Variants in CYP11A1 observed in about 807,000 individuals in gnomAD.
The protein encoded by CYP11A1 is cytochrome P450 family 11 subfamily A member 1.
In CYP11A1, 25 loss-of-function variants were observed where a neutral mutation model predicts 51.9. That is an observed-to-expected ratio of 0.48 (90% confidence interval 0.35 to 0.67). The LOEUF (loss-of-function observed/expected upper bound fraction) is 0.67. CYP11A1 is among the 30% of genes least tolerant of loss of function. The pLI is 0.00. For synonymous variants in CYP11A1, 245 were observed against 262.1 expected (o/e 0.93, Z 0.63); for missense variants, 578 against 680.9 (o/e 0.85, Z 1.68).
chr15:74,343,238 C>A lies in CYP11A1; in HGVS notation c.830-101G>T, dbSNP rs1017207725. On this transcript the variant is annotated intron_variant, in intron 4 of 8. Transcript: ENST00000268053. ...GGTGGCACCAAGGGCCTGGGGATTCCGGAGCCCTGTGCTTCTTAGGCTGCC... is the reference window on the plus strand; with the variant it reads ...GGTGGCACCAAGGGCCTGGGGATTCAGGAGCCCTGTGCTTCTTAGGCTGCC... The A allele has an allele frequency of 4.0e-6, 5 of 1,236,018 alleles. No individual in the cohort carries two copies. The African/African-American group carries it at 7.4e-5, about 18-fold the overall frequency. 76.6% of individuals were successfully genotyped at this position (1,236,018 alleles called of 1,614,324 possible).
chr15:74,365,827 G>A, intron 1 of CYP11A1: 3 of 985,622 alleles, frequency 3.0e-6, no homozygotes, highest in Non-Finnish European at 3.6e-6. Context: ...CCGCAGGCCG[G>A]GCAGAGAAAC....
At chr15:74,343,176 T>G in intron 4 of CYP11A1, 39 bp from the exon 5 acceptor site, 1 of 1,610,048 alleles carries the variant, frequency 6.2e-7, no homozygotes, top group Non-Finnish European at 8.5e-7. Context: ...TGAGGTTCCC[T>G]GCAGGCGGGT....
intron 1 of CYP11A1, among the ~76,000 whole-genome samples, chr15:74,352,264 C>CTTTTTTTTTTT (rs34304260): frequency 4.6e-5 from 4 of 86,052 alleles, no homozygotes; most frequent in East Asian, 3.3e-4. Context: ...TCTTTGCTAT[C>CTTTTTTTTTTT]TTTTTTTTTT....
chr15:74,358,510 C>A (rs1056646178), intron 1 of CYP11A1, among the ~76,000 whole-genome samples: 3 of 152,212 alleles, frequency 2.0e-5, no homozygotes, highest in African/African-American at 7.2e-5. Flanking sequence ...GAAATCACTT[C>A]TCAGGGTTCC....
chr15:74,355,863 C>T (rs1478156306), intron 1 of CYP11A1, among the ~76,000 whole-genome samples: 1 of 152,224 alleles, frequency 6.6e-6, no homozygotes, highest in Non-Finnish European at 1.5e-5. Context: ...CATTTGGCAG[C>T]AACCCTGAGA....
At chr15:74,362,494 C>CGGCG in intron 1 of CYP11A1, 76 of 154,050 alleles carry the variant, frequency 4.9e-4, no homozygotes, top group Admixed American at 1.4e-3. Flanking sequence ...CTGCTGGAAA[C>CGGCG]ATCAGAGAAA....
At position 74,339,762 on chromosome 15, in the gene CYP11A1, G is replaced by A. The variant is rs376854387; in HGVS notation, c.991-9C>T. ...TGCAGGGTCATGGACGTCTGGTGGG[G>A]AGTAGGGTATACAGAAGACCAGGAG... On this transcript the variant is annotated splice_polypyrimidine_tract_variant and intron_variant, in intron 5 of 8. Transcript: ENST00000268053. 2 of 1,613,950 alleles carry A rather than the reference G, an allele frequency of 1.2e-6. No homozygotes were observed. The highest frequency in any genetic ancestry group is 2.7e-5 in the African/African-American group (2 of 74,934).
rs1289035846 is a variant in CYP11A1 at position 74,345,136 on chromosome 15, A to G, written c.533T>C (p.Phe178Ser). 1 of 1,614,092 alleles carries G rather than the reference A, an allele frequency of 6.2e-7. No homozygotes were observed. The highest frequency in any genetic ancestry group is 8.5e-7 in the Non-Finnish European group (1 of 1,179,998). ...LPLLDAVSRD[F>S]VSVLHRRIKK... ...GATGCGCCTGTGCAGGACACTGACG[A>G]AGTCCCGAGACACTGCATCCAACAG... The change falls in exon 3 of 9, where the codon TTC becomes TCC. Residue 178 changes from phenylalanine to serine, a missense_variant. Physicochemically the swap from Phe to Ser is radical, Grantham distance 155 (BLOSUM62 -2). Coordinates refer to ENST00000268053, the MANE Select transcript of CYP11A1 (RefSeq NM_000781.3). The surrounding 1 kb of genome is among the most constrained non-coding windows in gnomAD (Gnocchi z 4.3).
At chr15:74,338,498 G>C in intron 8 of CYP11A1, 73 bp downstream of exon 8, 2 of 1,453,566 alleles carry the variant, frequency 1.4e-6, no homozygotes, top group Non-Finnish European at 1.9e-6. Context: ...ACAGAGATAG[G>C]AGGAGGAAGA....
chr15:74,350,086 TAG>T (rs938674703), intron 1 of CYP11A1: 2 of 372,922 alleles, frequency 5.4e-6, no homozygotes, highest in Non-Finnish European at 1.1e-5. Context: ...AATTTTATAT[TAG>T]AGAGAGAAAA....
intron 3 of CYP11A1, 47 bp from the exon 4 acceptor site, chr15:74,344,039 C>A: frequency 6.5e-7 from 1 of 1,546,662 alleles, no homozygotes; most frequent in Non-Finnish European, 8.9e-7. Context: ...ACGGGGCCAT[C>A]TGAGAGCCAC....
At chr15:74,367,194 A>AAAG (rs2060737652) in intron 1 of CYP11A1, 123 bp downstream of exon 1, 6 of 979,222 alleles carry the variant, frequency 6.1e-6, no homozygotes, top group East Asian at 2.6e-5. Flanking sequence ...AAAAAAAAAA[A>AAAG]AAGAAGTTAG....
At chr15:74,356,879 A>T (rs1057488212) in intron 1 of CYP11A1, among the ~76,000 whole-genome samples, 1 of 152,060 alleles carries the variant, frequency 6.6e-6, no homozygotes, top group African/African-American at 2.4e-5. Context: ...TTACCATCCC[A>T]TTAAAACCTA....
chr15:74,351,135 C>G (rs1378246217), intron 1 of CYP11A1, among the ~76,000 whole-genome samples: 1 of 152,130 alleles, frequency 6.6e-6, no homozygotes, highest in South Asian at 2.1e-4. Flanking sequence ...TGCCACCGCC[C>G]GGTTCGCTTA....
At position 74,343,098 on chromosome 15, in the gene CYP11A1, T is replaced by G; in HGVS notation, c.869A>C (p.Gln290Pro). The change falls in exon 5 of 9, where the codon CAG (glutamine) becomes CCG (proline). Residue 290 changes from glutamine to proline, a missense_variant. Coordinates refer to ENST00000268053, the MANE Select transcript of CYP11A1 (RefSeq NM_000781.3). ...YTQNFYWELR[Q>P]KGSVHHDYRG... The stretch of plus-strand genomic sequence containing the variant: ...GTAATCGTGGTGAACACTTCCTTTC[T>G]GTCTCAATTCCCAGTAGAAGTTCTG... 1 of 1,613,992 alleles carries G rather than the reference T, an allele frequency of 6.2e-7. No homozygotes were observed. Among genetic ancestry groups the G allele is most frequent in the Admixed American group, 1.7e-5 (1 of 60,022 alleles).
chr15:74,360,742 A>G (rs1032962371), intron 1 of CYP11A1, among the ~76,000 whole-genome samples: 4 of 152,122 alleles, frequency 2.6e-5, no homozygotes, highest in African/African-American at 4.8e-5. Context: ...CATCTCTAGT[A>G]AAAATACAAA....
At chr15:74,347,665 A>G (rs1424812081) in intron 2 of CYP11A1, among the ~76,000 whole-genome samples, 1 of 152,200 alleles carries the variant, frequency 6.6e-6, no homozygotes, top group Non-Finnish European at 1.5e-5. Flanking sequence ...TTAATTATTC[A>G]TTAGGATCTT....
Position 74,345,813 on chromosome 15 carries a change from G to T in CYP11A1, c.426-570C>A, listed in dbSNP as rs1366663720. Among the ~76,000 whole-genome samples the T allele has an allele frequency of 6.6e-6, 1 of 152,164 alleles. No individual in the cohort carries two copies. Among genetic ancestry groups the T allele is most frequent in the Admixed American group, 6.6e-5 (1 of 15,266 alleles). Reference sequence around the variant, plus strand: ...CTTGAAATTCATCAATCCATGCAAAGTCCTCTTCGTGACTTGGGGGTGTTT... The same window carrying T: ...CTTGAAATTCATCAATCCATGCAAATTCCTCTTCGTGACTTGGGGGTGTTT... On this transcript the variant is annotated intron_variant, in intron 2 of 8. Transcript: ENST00000268053. This position sits in a 1 kb window ranked among gnomAD's most constrained non-coding sequence, Gnocchi z 4.3.
intron 1 of CYP11A1, chr15:74,348,336 A>G: frequency 4.6e-6 from 2 of 439,218 alleles, no homozygotes; most frequent in Non-Finnish European, 8.4e-6. Flanking sequence ...CTGCTGTCCC[A>G]CAGCACATCC....
Sources: allele counts gnomAD v4.1 joint callset (sites outside exome capture counted in the v4.1 genomes callset), GRCh38; gene constraint gnomAD v4.1.1; non-coding constraint Gnocchi (gnomAD v3.1); transcripts MANE v1.5; gene names NCBI Gene and HGNC (gene_info 2026-07-23, HGNC 2026-07-21).